CSTF3: variants seen among roughly 807,000 people sequenced by gnomAD.
CSTF3 encodes cleavage stimulation factor subunit 3.
CSTF3 carries 29 observed loss-of-function variants against 105.8 expected under a neutral mutation model. That is an observed-to-expected ratio of 0.27 (90% CI 0.20 to 0.37). CSTF3 has a LOEUF of 0.37. Ranked by LOEUF, CSTF3 falls within the 10% of genes least tolerant of loss-of-function variation. The pLI is 1.00. For missense variants in CSTF3, 357 were observed against 879.3 expected (o/e 0.41, Z 7.51); for synonymous variants, 252 against 281.9 (o/e 0.89, Z 1.06).
chr11:33,112,669 C>T (rs1303846001), intron 3 of CSTF3, among the ~76,000 whole-genome samples: 1 of 152,128 alleles, frequency 6.6e-6, no homozygotes, highest in African/African-American at 2.4e-5. Flanking sequence ...TTAGCCATCC[C>T]ACCATTTTCC....
At chr11:33,157,338 G>C (rs1849880165) in intron 1 of CSTF3, among the ~76,000 whole-genome samples, 1 of 152,060 alleles carries the variant, frequency 6.6e-6, no homozygotes, top group African/African-American at 2.4e-5. Flanking sequence ...CTGGGCAACA[G>C]AGCAAGACTC....
intron 18 of CSTF3, 133 bp from the exon 19 acceptor site, chr11:33,086,122 T>C: frequency 1.9e-6 from 1 of 526,194 alleles, no homozygotes; most frequent in Non-Finnish European, 3.0e-6. Context: ...CTTCTAGGGC[T>C]TTACCAAACC....
intron 3 of CSTF3, among the ~76,000 whole-genome samples, chr11:33,135,550 T>C (rs575268105): frequency 6.6e-6 from 1 of 152,256 alleles, no homozygotes; most frequent in East Asian, 1.9e-4. Flanking sequence ...GCAGTGAAGT[T>C]TGTAAACTTT....
chr11:33,142,811 T>C (rs1442920320), intron 1 of CSTF3, among the ~76,000 whole-genome samples: 1 of 152,256 alleles, frequency 6.6e-6, no homozygotes, highest in African/African-American at 2.4e-5. Flanking sequence ...CATTCAATGT[T>C]TGACTTTTTA....
rs150655258 is a variant in CSTF3, at chr11:33,123,029, A to C, written c.226-14611T>G. Among the ~76,000 whole-genome samples, 121 of 152,152 alleles carry C rather than the reference A, an allele frequency of 8.0e-4. 2 individuals are homozygous for C. In the East Asian group the frequency reaches 0.02, roughly 25 times the overall value. ...TGTTCTTTTATCTCAGAACATATTT[A>C]TCATTCCTTCCATTTCTGACAATGA... On this transcript the variant is annotated intron_variant, in intron 3 of 20. Coordinates refer to ENST00000323959, the MANE Select transcript of CSTF3 (RefSeq NM_001326.3).
intron 15 of CSTF3, among the ~76,000 whole-genome samples, chr11:33,094,470 G>A (rs903976482): frequency 6.6e-6 from 1 of 152,076 alleles, no homozygotes; most frequent in Admixed American, 6.6e-5. Flanking sequence ...ATGTTTCATG[G>A]ATGGATAGAT....
intron 8 of CSTF3, 91 bp downstream of exon 8, chr11:33,105,476 T>C (rs1347083326): frequency 1.6e-6 from 2 of 1,238,964 alleles, no homozygotes. Flanking sequence ...AGTGTAACAC[T>C]GATACAGAAA....
intron 3 of CSTF3, among the ~76,000 whole-genome samples, chr11:33,133,092 A>C (rs1855617139): frequency 6.6e-6 from 1 of 152,170 alleles, no homozygotes; most frequent in South Asian, 2.1e-4. Flanking sequence ...ATCTTTACTA[A>C]CTATACTCAC....
At chr11:33,086,798 T>A (rs896478587) in intron 18 of CSTF3, among the ~76,000 whole-genome samples, 190 bp downstream of exon 18, 4 of 152,188 alleles carry the variant, frequency 2.6e-5, no homozygotes. Flanking sequence ...ATCTGGATCA[T>A]TGAAGTTTTG....
intron 3 of CSTF3, chr11:33,136,185 C>T (rs1855651189): frequency 6.6e-6 from 1 of 152,216 alleles, no homozygotes; most frequent in African/African-American, 2.4e-5. Context: ...CAAATATTCA[C>T]AATTTTTTTT....
rs1217265912 is a variant in CSTF3, at chr11:33,105,564, T to C, written c.585+3A>G. 6.2e-7 allele frequency: 1 copy of C among 1,604,358 alleles called. No individual in the cohort carries two copies. The highest frequency in any genetic ancestry group is 8.5e-7 in the Non-Finnish European group (1 of 1,177,148). On this transcript the variant is annotated splice_donor_region_variant and intron_variant, in intron 8 of 20. Transcript: ENST00000323959. ...AATAAACAACTACTCTGACCTAATT[T>C]ACCTCTTCATACTTGTTATAGTCTC...
chr11:33,098,943 C>T (rs1353583485), intron 12 of CSTF3, 91 bp downstream of exon 12: 1 of 1,494,638 alleles, frequency 6.7e-7, no homozygotes, highest in Non-Finnish European at 8.9e-7. Context: ...CTACCAAAAG[C>T]AATATGCCTG....
At chr11:33,107,246 G>A (rs1855336321) in intron 5 of CSTF3, among the ~76,000 whole-genome samples, 1 of 152,142 alleles carries the variant, frequency 6.6e-6, no homozygotes, top group African/African-American at 2.4e-5. Context: ...GAGCCCAAGA[G>A]GTTGAGGCTA....
intron 3 of CSTF3, among the ~76,000 whole-genome samples, chr11:33,116,835 T>C (rs1855435600): frequency 6.6e-6 from 1 of 151,810 alleles, no homozygotes; most frequent in South Asian, 2.1e-4. Flanking sequence ...ATTGCTGTCA[T>C]CCTTAAGTGG....
chr11:33,101,795 G>A (rs1449365213), intron 10 of CSTF3, among the ~76,000 whole-genome samples: 1 of 152,096 alleles, frequency 6.6e-6, no homozygotes, highest in Non-Finnish European at 1.5e-5. Context: ...GTTGGAATTG[G>A]CAGATGAGGA....
intron 17 of CSTF3, among the ~76,000 whole-genome samples, chr11:33,087,601 A>C (rs1855119019): frequency 6.6e-6 from 1 of 152,250 alleles, no homozygotes; most frequent in South Asian, 2.1e-4. Context: ...GATTTTGCTA[A>C]TGCAATGAAA....
chr11:33,157,000 T>A (rs1169249384), intron 1 of CSTF3, among the ~76,000 whole-genome samples: 1 of 151,906 alleles, frequency 6.6e-6, no homozygotes, highest in East Asian at 1.9e-4. Context: ...TTAAGAGTAG[T>A]GCACAAGGTT....
At position 33,108,434 on chromosome 11, in the gene CSTF3, A is replaced by C. The variant is rs1855347382; in HGVS notation, c.226-16T>G. 6.9e-7 allele frequency: 1 copy of C among 1,457,560 alleles called. No individual in the cohort carries two copies. Among genetic ancestry groups the C allele is most frequent in the African/African-American group, 1.5e-5 (1 of 68,880 alleles). The allele number at this position is 1,457,560 out of a possible 1,614,324, so 90.3% of individuals were successfully genotyped here. ...TAGCTTTAATCTGAAGAGAAACAGA[A>C]AAATATAGAATTAATACTATTTTTT... On this transcript the variant is annotated splice_polypyrimidine_tract_variant and intron_variant, in intron 3 of 20. Coordinates refer to ENST00000323959, the MANE Select transcript of CSTF3 (RefSeq NM_001326.3).
intron 3 of CSTF3, among the ~76,000 whole-genome samples, chr11:33,117,684 T>C (rs534404267): frequency 6.6e-6 from 1 of 151,892 alleles, no homozygotes; most frequent in Non-Finnish European, 1.5e-5. Flanking sequence ...TATGAGGATG[T>C]TCATTGAAAG....
Sources: allele counts gnomAD v4.1 joint callset (sites outside exome capture counted in the v4.1 genomes callset), GRCh38; gene constraint gnomAD v4.1.1; transcripts MANE v1.5; gene names NCBI Gene and HGNC (gene_info 2026-07-23, HGNC 2026-07-21).